LAMC3: variants seen among roughly 807,000 people sequenced by gnomAD.
LAMC3 encodes the protein laminin subunit gamma-3.
In LAMC3, 128 loss-of-function variants were observed where a neutral mutation model predicts 173.8. That is an observed-to-expected ratio of 0.74 (90% CI 0.64 to 0.85). LAMC3 has a LOEUF of 0.85. Ranked by LOEUF, LAMC3 falls within the 40% of genes least tolerant of loss-of-function variation. LAMC3 has a pLI of 0.00. For synonymous variants in LAMC3, 897 were observed against 909.1 expected (o/e 0.99, Z 0.24); for missense variants, 2,022 against 2,156.0 (o/e 0.94, Z 1.23).
At chr9:131,080,774 G>A (rs1352489588) in intron 23 of LAMC3, among the ~76,000 whole-genome samples, 1 of 152,220 alleles carries the variant, frequency 6.6e-6, no homozygotes, top group African/African-American at 2.4e-5. Flanking sequence ...CCAGGAGTCA[G>A]GGCCAGGCCC....
intron 23 of LAMC3, among the ~76,000 whole-genome samples, chr9:131,080,109 A>T (rs1021783298): frequency 3.3e-5 from 5 of 151,968 alleles, no homozygotes; most frequent in African/African-American, 1.2e-4. Context: ...AGTAACTGGG[A>T]CTACAGGTGT....
At chr9:131,052,453 A>G (rs1834307343) in intron 9 of LAMC3, 38 bp from the exon 10 acceptor site, 9 of 1,528,070 alleles carry the variant, frequency 5.9e-6, no homozygotes, top group South Asian at 2.2e-5. Flanking sequence ...CAAGCTAACC[A>G]TATGAAGACT....
rs559344228 is a variant in LAMC3 at position 131,015,528 on chromosome 9, G to A, written c.373+5941G>A. On this transcript the variant is annotated intron_variant, in intron 1 of 27. Coordinates refer to ENST00000361069, the MANE Select transcript of LAMC3 (RefSeq NM_006059.4). Reference sequence around the variant, plus strand: ...CACCTGCACCCCTCGCCCTGACTCGGTCTCCACCTGAGCCCTCGACTGGGT... The same window carrying A: ...CACCTGCACCCCTCGCCCTGACTCGATCTCCACCTGAGCCCTCGACTGGGT... Among the ~76,000 whole-genome samples, 10 of 152,176 alleles carry A rather than the reference G, an allele frequency of 6.6e-5. No individual in the cohort carries two copies. In the East Asian group the frequency reaches 1.2e-3, roughly 18 times the overall value.
At chr9:131,019,139 G>A (rs942731356) in intron 1 of LAMC3, among the ~76,000 whole-genome samples, 20 of 152,234 alleles carry the variant, frequency 1.3e-4, no homozygotes, top group African/African-American at 3.6e-4. Flanking sequence ...GTGCACGCTT[G>A]TAATCCCTGC....
intron 10 of LAMC3, 49 bp from the exon 11 acceptor site, chr9:131,052,801 A>ACC: frequency 1.3e-6 from 1 of 747,870 alleles, no homozygotes. Flanking sequence ...CAGGCATGGT[A>ACC]CCCCCCCACC....
intron 1 of LAMC3, among the ~76,000 whole-genome samples, chr9:131,023,502 T>A (rs1375914853): frequency 6.6e-6 from 1 of 152,272 alleles, no homozygotes; most frequent in Non-Finnish European, 1.5e-5. Context: ...ATTCTGGTTT[T>A]ATCTTGCATT....
chr9:131,087,518 C>A lies in LAMC3; in HGVS notation c.4273C>A (p.Arg1425Ser). Residue 1425 changes from arginine to serine, a missense_variant, in exon 26 of 28, where the codon CGT becomes AGT. Transcript: ENST00000361069. ...GAGGGAGCGGAAACAGGCGCACCGC[C>A]GTGCCAGCAGGCTCACCAGCCAGAC... is the stretch of plus-strand genomic sequence containing the variant. ...LLRERKQAHR[R>S]ASRLTSQTQA... 1 of 1,613,820 alleles carries A rather than the reference C, an allele frequency of 6.2e-7. No homozygotes were observed.
intron 9 of LAMC3, among the ~76,000 whole-genome samples, chr9:131,049,343 C>G (rs916711376): frequency 6.6e-6 from 1 of 152,198 alleles, no homozygotes; most frequent in African/African-American, 2.4e-5. Context: ...CTTGCCTTTC[C>G]CAGCCTCTAG....
Position 131,026,403 on chromosome 9 carries a change from C to A in LAMC3, c.492C>A (p.Ser164Arg), listed in dbSNP as rs768660170. The A allele has an allele frequency of 2.5e-6, 4 of 1,614,106 alleles. No individual in the cohort carries two copies. Among genetic ancestry groups the A allele is most frequent in the Non-Finnish European group, 2.5e-6 (3 of 1,180,040 alleles). Residue 164 changes from serine to arginine, a missense_variant, in exon 2 of 28, where the codon AGC (serine) becomes AGA (arginine). Ser to Arg is a moderately radical substitution (Grantham distance 110). Transcript: ENST00000361069. This position sits in a 1 kb window ranked among gnomAD's most constrained non-coding sequence, Gnocchi z 4.8. ...CATGGGAGCCCTACCAGTTCTACAG[C>A]GCCTCCTGCCAGAAGACCTACGGCC... ...DGPWEPYQFY[S>R]ASCQKTYGRP...
chr9:131,070,615 G>A (rs1321009260), intron 17 of LAMC3, among the ~76,000 whole-genome samples: 4 of 152,148 alleles, frequency 2.6e-5, no homozygotes, highest in Non-Finnish European at 5.9e-5. Flanking sequence ...GGAGGCTGAG[G>A]CAGGAGAATT....
At chr9:131,041,366 C>CAAAA (rs10526087) in intron 6 of LAMC3, among the ~76,000 whole-genome samples, 1 of 114,562 alleles carries the variant, frequency 8.7e-6, no homozygotes, top group Non-Finnish European at 1.8e-5. Flanking sequence ...GACTCTGTCC[C>CAAAA]AAAAAAAAAG....
chr9:131,068,785 G>A (rs1335955295), intron 15 of LAMC3, 123 bp from the exon 16 acceptor site: 8 of 990,614 alleles, frequency 8.1e-6, no homozygotes, highest in Non-Finnish European at 1.1e-5. Context: ...CATGCACCGA[G>A]AGGAGATGGG....
chr9:131,018,359 T>A (rs1304686679), intron 1 of LAMC3, among the ~76,000 whole-genome samples: 3 of 151,994 alleles, frequency 2.0e-5, no homozygotes, highest in Admixed American at 2.0e-4. Flanking sequence ...GGTCTCGAAC[T>A]CCTGAGCTCA....
chr9:131,085,847 C>G (rs1830323417), intron 25 of LAMC3, 124 bp downstream of exon 25: 2 of 870,680 alleles, frequency 2.3e-6, no homozygotes, highest in East Asian at 5.3e-5. Flanking sequence ...TGGGCCCAGG[C>G]AATTAGCTCA....
chr9:131,056,843 C>A, intron 11 of LAMC3, 86 bp from the exon 12 acceptor site: 1 of 996,164 alleles, frequency 1.0e-6, no homozygotes, highest in Non-Finnish European at 1.6e-6. Context: ...TGGGCCTGGT[C>A]CATATGTGAA....
intron 1 of LAMC3, chr9:131,021,300 G>A (rs1267141281): frequency 6.6e-6 from 1 of 152,186 alleles, no homozygotes; most frequent in Non-Finnish European, 1.5e-5. Flanking sequence ...CTGTCAAATA[G>A]ATGCATTGTT....
At chr9:131,072,563 TG>T in intron 18 of LAMC3, 66 bp from the exon 19 acceptor site, 2 of 1,392,966 alleles carry the variant, frequency 1.4e-6, no homozygotes, top group Non-Finnish European at 2.0e-6. Context: ...AGGGGACCCC[TG>T]GGGGTGGGGG....
chr9:131,055,356 C>T (rs190234809), intron 11 of LAMC3, among the ~76,000 whole-genome samples: 1 of 151,850 alleles, frequency 6.6e-6, no homozygotes, highest in Non-Finnish European at 1.5e-5. Context: ...ATCCCCTGCT[C>T]CTCTGTTACT....
At chr9:131,075,204 GT>G (rs1830102717) in intron 20 of LAMC3, among the ~76,000 whole-genome samples, 1 of 152,102 alleles carries the variant, frequency 6.6e-6, no homozygotes, top group African/African-American at 2.4e-5. Flanking sequence ...GGAGTTTGAG[GT>G]TGCAGTGAGC....
Sources: gnomAD v4.1 joint callset for allele counts (sites outside exome capture counted in the v4.1 genomes callset) on GRCh38, gnomAD v4.1.1 for gene constraint, Gnocchi (gnomAD v3.1) non-coding constraint, MANE v1.5 for transcripts, NCBI Gene and HGNC (gene_info 2026-07-23, HGNC 2026-07-21) for gene names.